The following COLEC11 variants were observed in gnomAD, a reference collection of about 807,000 sequenced individuals.
COLEC11 encodes the protein collectin-11.
In COLEC11, 20 loss-of-function variants were observed where a neutral mutation model predicts 27.3. The ratio of observed to expected loss-of-function variants is 0.73; its 90% CI spans 0.51 to 1.06. The LOEUF is 1.06. Among genes scored for constraint, COLEC11 ranks in the 50% least tolerant of loss-of-function variants. The pLI, the probability that COLEC11 is intolerant of heterozygous loss-of-function variation, is 0.00. For synonymous variants in COLEC11, 163 were observed against 154.7 expected, an observed-to-expected ratio of 1.05 and a Z score of -0.40; for missense variants, 310 against 383.0, an observed-to-expected ratio of 0.81 and a Z score of 1.59.
At position 3,595,137 on chromosome 2, in the gene COLEC11, C is replaced by T. The variant is rs1233577357; in HGVS notation, c.-58C>T. 2.8e-6 allele frequency: 1 copy of T among 352,386 alleles called. No homozygotes were observed. The highest frequency in any genetic ancestry group is 2.1e-5 in the South Asian group (1 of 48,424). The allele number at this position is 352,386 out of a possible 1,614,324, so 21.8% of individuals were successfully genotyped here. ...AGTGTCCTCGCGGGCCAGCGACGGGCAGGACGCCCCGTTCGCCTAGCGCGT... is the reference window on the plus strand; with the variant it reads ...AGTGTCCTCGCGGGCCAGCGACGGGTAGGACGCCCCGTTCGCCTAGCGCGT... On this transcript the variant is annotated 5_prime_UTR_variant, in exon 1 of 7. Coordinates refer to ENST00000349077, the MANE Select transcript of COLEC11 (RefSeq NM_024027.5).
intron 3 of COLEC11, chr2:3,617,850 G>A (rs1572425070): frequency 3.2e-6 from 2 of 615,734 alleles, no homozygotes; most frequent in East Asian, 5.5e-5. Context: ...CTTCTCCAAT[G>A]CTTAATCTCT....
At chr2:3,643,068 C>T (rs1183530925) in intron 5 of COLEC11, among the ~76,000 whole-genome samples, 1 of 152,254 alleles carries the variant, frequency 6.6e-6, no homozygotes, top group African/African-American at 2.4e-5. Flanking sequence ...TGCCCCCAAG[C>T]CATGGAGGCC....
At chr2:3,616,884 G>C (rs959692895) in intron 3 of COLEC11, among the ~76,000 whole-genome samples, 1 of 152,190 alleles carries the variant, frequency 6.6e-6, no homozygotes, top group Non-Finnish European at 1.5e-5. Context: ...GGTTCATCCA[G>C]GTCACAAATG....
intron 2 of COLEC11, among the ~76,000 whole-genome samples, chr2:3,609,864 G>A (rs13010020): frequency 0.69 from 104,933 of 151,782 alleles, 36,781 homozygotes; most frequent in South Asian, 0.89. Context: ...GGGTCTTGCT[G>A]TGTTGCCCAG....
intron 3 of COLEC11, among the ~76,000 whole-genome samples, chr2:3,622,512 G>A (rs1304801714): frequency 6.6e-6 from 1 of 152,198 alleles, no homozygotes; most frequent in Non-Finnish European, 1.5e-5. Flanking sequence ...GTTGAAACTT[G>A]ATCTTTAATG....
chr2:3,610,563 G>T (rs1663108341), intron 2 of COLEC11, among the ~76,000 whole-genome samples: 1 of 152,154 alleles, frequency 6.6e-6, no homozygotes, highest in Non-Finnish European at 1.5e-5. Context: ...CCGTGGCATG[G>T]GTGGTCAGGT....
chr2:3,600,457 AGGT>A (rs1325872676), intron 1 of COLEC11, among the ~76,000 whole-genome samples: 3 of 152,198 alleles, frequency 2.0e-5, no homozygotes, highest in Non-Finnish European at 4.4e-5. Flanking sequence ...AGGGAGGCTG[AGGT>A]GGGAGGATCC....
rs749468118 is a variant in COLEC11 at position 3,637,570 on chromosome 2, T to C, written c.240T>C (p.Gly80=). 5.0e-6 allele frequency: 8 copies of C among 1,613,982 alleles called. No homozygotes were observed. The African/African-American group carries it at 1.1e-4, about 22-fold the overall frequency. ...ACAAAGGACAGAAAGGCAGTGTGGG[T>C]CGTCATGGAAAAATTGGTCCCATTG... ...MGDKGQKGSV[G]RHGKIGPIGS... The change falls in exon 4 of 7, where the codon GGT becomes GGC. Residue 80 remains glycine, a synonymous_variant. Coordinates refer to ENST00000349077, the MANE Select transcript of COLEC11 (RefSeq NM_024027.5).
At chr2:3,619,369 C>T (rs1436435242) in intron 3 of COLEC11, among the ~76,000 whole-genome samples, 4 of 152,148 alleles carry the variant, frequency 2.6e-5, no homozygotes, top group African/African-American at 9.7e-5. Context: ...GTAAAGCTTT[C>T]AGCTTTTCAC....
At chr2:3,616,486 C>T (rs556742002) in intron 3 of COLEC11, among the ~76,000 whole-genome samples, 5 of 152,170 alleles carry the variant, frequency 3.3e-5, no homozygotes, top group African/African-American at 9.7e-5. Context: ...ACTGAGTGAA[C>T]GAGACTCCGT....
At chr2:3,609,372 T>C in intron 2 of COLEC11, among the ~76,000 whole-genome samples, 1 of 140,912 alleles carries the variant, frequency 7.1e-6, no homozygotes, top group African/African-American at 2.7e-5. Context: ...TTTTTTTTTT[T>C]TTTTTTTTTT....
Position 3,644,231 on chromosome 2 carries a change from G to A in COLEC11, c.*113G>A. 7.5e-7 allele frequency: 1 copy of A among 1,338,826 alleles called. No individual in the cohort carries two copies. The highest frequency in any genetic ancestry group is 1.1e-6 in the Non-Finnish European group (1 of 950,462). 82.9% of individuals were successfully genotyped at this position (1,338,826 alleles called of 1,614,324 possible). On this transcript the variant is annotated 3_prime_UTR_variant, in exon 7 of 7. Transcript: ENST00000349077. ...AGCTGTCCCTCTGTGAAGGGTGGAGGCTCACTGAGTAGAGGGCTGTTGTCT... is the reference window on the plus strand; with the variant it reads ...AGCTGTCCCTCTGTGAAGGGTGGAGACTCACTGAGTAGAGGGCTGTTGTCT...
At chr2:3,635,702 C>A (rs1251989549) in intron 3 of COLEC11, among the ~76,000 whole-genome samples, 1 of 152,250 alleles carries the variant, frequency 6.6e-6, no homozygotes, top group Admixed American at 6.5e-5. Context: ...TCGCCTCCGT[C>A]CTGGCTGTCC....
chr2:3,640,409 C>T, intron 5 of COLEC11, 78 bp downstream of exon 5: 1 of 811,408 alleles, frequency 1.2e-6, no homozygotes, highest in South Asian at 1.4e-5. Context: ...AGATCTACAC[C>T]ATGTAGATCC....
chr2:3,637,371 C>A (rs1420974444), intron 3 of COLEC11, among the ~76,000 whole-genome samples, 162 bp from the exon 4 acceptor site: 1 of 152,242 alleles, frequency 6.6e-6, no homozygotes, highest in Non-Finnish European at 1.5e-5. Flanking sequence ...GTGACAGTCA[C>A]ATACGTGACC....
intron 2 of COLEC11, among the ~76,000 whole-genome samples, chr2:3,612,040 C>T (rs747233023): frequency 1.4e-5 from 2 of 146,348 alleles, no homozygotes; most frequent in African/African-American, 5.4e-5. Context: ...CTCGTGCCCT[C>T]GGTCTCTTGC....
At chr2:3,626,064 C>T in intron 3 of COLEC11, 1 of 1,614,108 alleles carries the variant, frequency 6.2e-7, no homozygotes, top group Non-Finnish European at 8.5e-7. Flanking sequence ...GGAAGTGCAC[C>T]TCGTCCTTTG....
chr2:3,615,396 C>T (rs1157802070), intron 3 of COLEC11, among the ~76,000 whole-genome samples: 4 of 152,176 alleles, frequency 2.6e-5, no homozygotes, highest in African/African-American at 7.2e-5. Flanking sequence ...CTTGCACCGC[C>T]CTTAATCCAT....
rs375389655 is a variant in COLEC11 at position 3,604,333 on chromosome 2, C to T, written c.-8C>T. 1.1e-4 allele frequency: 178 copies of T among 1,613,772 alleles called. 1 individual carries two copies. The South Asian group carries it at 1.5e-3, about 14-fold the overall frequency. ...TGTGTAGGAGTTGGTGTCCTGCCTG[C>T]GCTCAGGATGAGGGGGAATCTGGCC... is the stretch of plus-strand genomic sequence containing the variant. On this transcript the variant is annotated 5_prime_UTR_variant, in exon 2 of 7. Transcript: ENST00000349077.
Sources: allele counts gnomAD v4.1 joint callset (sites outside exome capture counted in the v4.1 genomes callset), GRCh38; gene constraint gnomAD v4.1.1; transcripts MANE v1.5; gene names NCBI Gene and HGNC (gene_info 2026-07-23, HGNC 2026-07-21).